Variants in WDR70 observed in about 807,000 individuals in gnomAD.
The protein encoded by WDR70 is WD repeat-containing protein 70.
WDR70 carries 53 observed loss-of-function variants against 88.6 expected under a neutral mutation model. That is an observed-to-expected ratio of 0.60 (90% CI 0.48 to 0.75). WDR70 has a LOEUF of 0.75. Among genes scored for constraint, WDR70 ranks in the 30% least tolerant of loss-of-function variants. The pLI is 0.00. For missense variants in WDR70, 610 were observed against 823.2 expected (o/e 0.74, Z 3.17); for synonymous variants, 280 against 270.0 (o/e 1.04, Z -0.36).
At chr5:37,443,982 C>G (rs115619554) in intron 7 of WDR70, among the ~76,000 whole-genome samples, 2,319 of 151,864 alleles carry the variant, frequency 0.015, 52 homozygotes, top group African/African-American at 0.053. Flanking sequence ...AACTCTATCT[C>G]TACTAAAAAT....
At position 37,506,709 on chromosome 5, in the gene WDR70, G is replaced by A. The variant is rs1407054124; in HGVS notation, c.841-9805G>A. On this transcript the variant is annotated intron_variant, in intron 8 of 17. Transcript: ENST00000265107. ...ATCCCTGATCAAAGCAATATCATCA[G>A]TCAGTCCACCTTTCTCATTATACAC... The A allele has an allele frequency of 2.1e-5, 17 of 822,724 alleles. No homozygotes were observed. In the South Asian group the frequency reaches 2.1e-4, roughly 10 times the overall value. 51.0% of individuals were successfully genotyped at this position (822,724 alleles called of 1,614,324 possible). A position where few individuals can be genotyped will look rare whatever the true frequency, so the allele number is the denominator to read the frequency against.
intron 17 of WDR70, among the ~76,000 whole-genome samples, chr5:37,746,415 A>G (rs1217583330): frequency 1.3e-5 from 2 of 152,090 alleles, no homozygotes; most frequent in Non-Finnish European, 2.9e-5. Flanking sequence ...AAGACAAGAA[A>G]TAACTAAGAG....
In WDR70 at chr5:37,701,038, TC is replaced by T. The variant is rs779729999; in HGVS notation, c.1193-16del. On this transcript the variant is annotated intron_variant, in intron 11 of 17. Transcript: ENST00000265107. ...ACAATTCACTTTTCTGTCTTTTTTT[TC>T]CCCTCATTCCTCTGTCAGGTGACGA... The T allele has an allele frequency of 1.6e-5, 24 of 1,518,116 alleles. No homozygotes were observed. Among genetic ancestry groups the T allele is most frequent in the Middle Eastern group, 1.7e-4 (1 of 5,936 alleles). 94.0% of individuals were successfully genotyped at this position (1,518,116 alleles called of 1,614,324 possible).
intron 8 of WDR70, among the ~76,000 whole-genome samples, chr5:37,496,822 C>G (rs1376026707): frequency 1.3e-5 from 2 of 152,122 alleles, no homozygotes; most frequent in African/African-American, 4.8e-5. Flanking sequence ...GGAGAGGAAG[C>G]TGGTAAACTA....
intron 12 of WDR70, among the ~76,000 whole-genome samples, chr5:37,701,619 T>C (rs1747165682): frequency 6.6e-6 from 1 of 151,910 alleles, no homozygotes; most frequent in African/African-American, 2.4e-5. Context: ...TGAAACCCCG[T>C]CTCTACTAAA....
chr5:37,578,474 A>G (rs765395906), intron 9 of WDR70, among the ~76,000 whole-genome samples: 6 of 152,150 alleles, frequency 3.9e-5, no homozygotes, highest in Non-Finnish European at 8.8e-5. Flanking sequence ...TCGGTAGTTG[A>G]CCATTCAGCT....
chr5:37,643,394 G>C (rs1745155403), intron 10 of WDR70, among the ~76,000 whole-genome samples: 2 of 151,936 alleles, frequency 1.3e-5, no homozygotes, highest in African/African-American at 4.8e-5. Flanking sequence ...TACCTTTGTA[G>C]TGTAATTTGA....
intron 9 of WDR70, among the ~76,000 whole-genome samples, chr5:37,583,814 G>A (rs986671114): frequency 3.9e-5 from 6 of 152,284 alleles, no homozygotes; most frequent in South Asian, 2.1e-4. Context: ...GACTTTCAGA[G>A]TAATTATCCC....
intron 3 of WDR70, among the ~76,000 whole-genome samples, chr5:37,385,897 G>A (rs1007738642): frequency 3.6e-4 from 55 of 151,956 alleles, no homozygotes; most frequent in Non-Finnish European, 5.7e-4. Flanking sequence ...TCCGCCTCCC[G>A]GGTTCACGCC....
At chr5:37,515,516 C>G (rs1463218130) in intron 8 of WDR70, among the ~76,000 whole-genome samples, 1 of 152,188 alleles carries the variant, frequency 6.6e-6, no homozygotes, top group Non-Finnish European at 1.5e-5. Context: ...CTAAGAGTCT[C>G]CACCTCCCCT....
At chr5:37,543,895 A>G (rs895452964) in intron 9 of WDR70, among the ~76,000 whole-genome samples, 3 of 151,998 alleles carry the variant, frequency 2.0e-5, no homozygotes, top group African/African-American at 7.2e-5. Context: ...CAGCCTCCTG[A>G]GTAGCTGGGA....
intron 7 of WDR70, among the ~76,000 whole-genome samples, chr5:37,450,418 G>T (rs540057968): frequency 1.2e-4 from 19 of 152,256 alleles, no homozygotes; most frequent in South Asian, 1.2e-3. Flanking sequence ...TATGTATATA[G>T]TATATAGTGT....
chr5:37,527,196 C>G (rs1404289508), intron 9 of WDR70, among the ~76,000 whole-genome samples: 1 of 152,134 alleles, frequency 6.6e-6, no homozygotes, highest in East Asian at 1.9e-4. Context: ...GCCAAAAGTA[C>G]AAAGCTGGAG....
intron 10 of WDR70, among the ~76,000 whole-genome samples, chr5:37,608,603 T>C (rs1222128896): frequency 6.6e-6 from 1 of 152,028 alleles, no homozygotes; most frequent in African/African-American, 2.4e-5. Context: ...TCACTCAGGC[T>C]AGAGTGCAGT....
In WDR70 at chr5:37,415,449, CG is replaced by C. The variant is rs1376698269; in HGVS notation, c.492+18882del. 6.8e-4 allele frequency among the ~76,000 whole-genome samples: 60 copies of C among 88,716 alleles called. 4 individuals carry two copies. The highest frequency in any genetic ancestry group is 1.8e-3 in the African/African-American group (57 of 31,530). The allele number at this position is 88,716 out of a possible 152,430, so 58.2% of individuals were successfully genotyped here. On this transcript the variant is annotated intron_variant, in intron 5 of 17. Transcript: ENST00000265107. The stretch of plus-strand genomic sequence containing the variant: ...CTCCCTCCCGGACGGGGCGGCTGGC[CG>C]GGCCGGGGGCTGATCCCCCCACCTC...
chr5:37,601,866 T>C (rs1003469563), intron 9 of WDR70, among the ~76,000 whole-genome samples: 8 of 152,146 alleles, frequency 5.3e-5, no homozygotes, highest in African/African-American at 1.7e-4. Flanking sequence ...GTGGCACATA[T>C]ACACAATGGA....
At chr5:37,712,592 G>A (rs1747544634) in intron 13 of WDR70, among the ~76,000 whole-genome samples, 1 of 152,092 alleles carries the variant, frequency 6.6e-6, no homozygotes, top group African/African-American at 2.4e-5. Flanking sequence ...TATTTTATCA[G>A]AAGTCTAATC....
chr5:37,445,945 C>A (rs912824064), intron 7 of WDR70, among the ~76,000 whole-genome samples: 2 of 152,122 alleles, frequency 1.3e-5, no homozygotes, highest in Non-Finnish European at 2.9e-5. Flanking sequence ...GCCAGGCAAT[C>A]AGGCAGGAGA....
At chr5:37,635,775 A>T (rs1197386201) in intron 10 of WDR70, among the ~76,000 whole-genome samples, 1 of 152,142 alleles carries the variant, frequency 6.6e-6, no homozygotes, top group Non-Finnish European at 1.5e-5. Context: ...CTGTGTCCCC[A>T]CCCAAATCTC....
Sources: gnomAD v4.1 joint callset for allele counts (sites outside exome capture counted in the v4.1 genomes callset) on GRCh38, gnomAD v4.1.1 for gene constraint, MANE v1.5 for transcripts, NCBI Gene and HGNC (gene_info 2026-07-23, HGNC 2026-07-21) for gene names.